Variants in DPYS observed in about 807,000 individuals in gnomAD.
The protein encoded by DPYS is dihydropyrimidinase, also known as dihydropyrimidine amidohydrolase.
Under a neutral mutation model 50.3 loss-of-function variants are expected in DPYS, and 39 were observed. The ratio of observed to expected loss-of-function variants is 0.78; its 90% CI spans 0.60 to 1.01. The LOEUF (loss-of-function observed/expected upper bound fraction) is 1.01, where lower values mean the gene tolerates loss of function less well. Among genes scored for constraint, DPYS ranks in the 50% least tolerant of loss-of-function variants. The pLI, the probability that DPYS is intolerant of heterozygous loss-of-function variation, is 0.00. For synonymous variants in DPYS, 245 were observed against 250.7 expected, an observed-to-expected ratio of 0.98 and a Z score of 0.22; for missense variants, 659 against 680.9, an observed-to-expected ratio of 0.97 and a Z score of 0.36.
chr8:104,454,497 G>T (rs1409033626), intron 1 of DPYS, among the ~76,000 whole-genome samples: 3 of 152,314 alleles, frequency 2.0e-5, no homozygotes, highest in Admixed American at 2.0e-4. Flanking sequence ...TGGCCGAATT[G>T]TATTGTAGGT....
At chr8:104,445,244 C>T (rs1234429756) in intron 3 of DPYS, among the ~76,000 whole-genome samples, 8 of 152,286 alleles carry the variant, frequency 5.3e-5, no homozygotes, top group African/African-American at 1.7e-4. Flanking sequence ...ACCATATGAT[C>T]CAGCAACCCC....
chr8:104,430,030 T>G lies in DPYS; in HGVS notation c.794-329A>C, dbSNP rs573297254. On this transcript the variant is annotated intron_variant, in intron 4 of 9. Coordinates refer to ENST00000351513, the MANE Select transcript of DPYS (RefSeq NM_001385.3). ...CTACCAGATAAATGCTATTGTTATC[T>G]CCATAAAAAGATGAAAATAAAGCTA... Among the ~76,000 whole-genome samples the G allele has an allele frequency of 2.0e-4, 30 of 152,304 alleles. No homozygotes were observed. In the East Asian group the frequency reaches 5.8e-3, roughly 29 times the overall value.
Position 104,390,174 on chromosome 8 carries a change from C to A in DPYS, c.1443+2610G>T, listed in dbSNP as rs556445529. Among the ~76,000 whole-genome samples, 65 of 152,324 alleles carry A rather than the reference C, an allele frequency of 4.3e-4. 1 individual carries two copies. The South Asian group carries it at 0.013, about 32-fold the overall frequency. On this transcript the variant is annotated intron_variant, in intron 8 of 9. Transcript: ENST00000351513. ...GCGTCACATAATCTATCATCCAGTT[C>A]TATTGATTTTACTACTTTATAATAT...
intron 7 of DPYS, among the ~76,000 whole-genome samples, chr8:104,393,283 TTATTTA>T (rs1360687129): frequency 2.6e-5 from 4 of 152,316 alleles, no homozygotes; most frequent in African/African-American, 9.6e-5. Context: ...AAAATTATTT[TTATTTA>T]TATGTTAACA....
chr8:104,462,666 A>G (rs1814211830), intron 1 of DPYS, among the ~76,000 whole-genome samples: 2 of 152,214 alleles, frequency 1.3e-5, no homozygotes, highest in African/African-American at 4.8e-5. Context: ...ACCTCTGAAT[A>G]CAAATTTATG....
chr8:104,439,567 G>T (rs1231722236), intron 4 of DPYS, among the ~76,000 whole-genome samples: 2 of 152,180 alleles, frequency 1.3e-5, no homozygotes, highest in Non-Finnish European at 2.9e-5. Context: ...AAGATCGCCT[G>T]AGGCCAGGAG....
At chr8:104,423,747 T>C (rs1008241058) in intron 7 of DPYS, among the ~76,000 whole-genome samples, 1 of 152,118 alleles carries the variant, frequency 6.6e-6, no homozygotes, top group African/African-American at 2.4e-5. Flanking sequence ...CATAGAATTA[T>C]GGAAATTGGA....
intron 7 of DPYS, among the ~76,000 whole-genome samples, chr8:104,400,133 G>T (rs2140540563): frequency 6.6e-6 from 1 of 152,210 alleles, no homozygotes; most frequent in East Asian, 1.9e-4. Context: ...AGCAGGGACT[G>T]TGCCTTCCAT....
At position 104,428,095 on chromosome 8, in the gene DPYS, T is replaced by C. The variant is rs1165231799; in HGVS notation, c.977A>G (p.Asp326Gly). ...ANDDLTTTGT[D>G]NCTFNTCQKA... The stretch of plus-strand genomic sequence containing the variant: ...CTGGCAGGTGTTGAAAGTGCAGTTA[T>C]CAGTCCCTGTTGTGGTTAGATCATC... The change falls in exon 6 of 10, where the codon GAT (aspartate) becomes GGT (glycine). Residue 326 changes from aspartate to glycine, a missense_variant. By Grantham distance (94) the Asp-to-Gly change is moderately conservative. Coordinates refer to ENST00000351513, the MANE Select transcript of DPYS (RefSeq NM_001385.3). 6.2e-7 allele frequency: 1 copy of C among 1,614,246 alleles called. No individual in the cohort carries two copies. The highest frequency in any genetic ancestry group is 1.3e-5 in the African/African-American group (1 of 75,082).
At position 104,428,808 on chromosome 8, in the gene DPYS, A is replaced by G. The variant is rs923657023; in HGVS notation, c.951-687T>C. On this transcript the variant is annotated intron_variant, in intron 5 of 9. Coordinates refer to ENST00000351513, the MANE Select transcript of DPYS (RefSeq NM_001385.3). ...GTGAATGGGGAGTGTCGGGATGTCC[A>G]TGAAGGATAGAATTTTCTTTTCTCT... 2.7e-5 allele frequency among the ~76,000 whole-genome samples: 4 copies of G among 149,840 alleles called. No individual in the cohort carries two copies. In the East Asian group the frequency reaches 7.8e-4, roughly 29 times the overall value.
intron 1 of DPYS, among the ~76,000 whole-genome samples, chr8:104,453,679 A>C (rs1813831769): frequency 6.6e-6 from 1 of 152,224 alleles, no homozygotes; most frequent in African/African-American, 2.4e-5. Context: ...AGACCAAGCA[A>C]TTCCACTCCT....
intron 7 of DPYS, among the ~76,000 whole-genome samples, chr8:104,399,049 G>A (rs1209659124): frequency 6.6e-6 from 1 of 152,120 alleles, no homozygotes; most frequent in Non-Finnish European, 1.5e-5. Flanking sequence ...CCAGCACTTT[G>A]GGAAGCTGAG....
chr8:104,428,488 G>A (rs1176581627), intron 5 of DPYS, among the ~76,000 whole-genome samples: 2 of 152,222 alleles, frequency 1.3e-5, no homozygotes, highest in African/African-American at 4.8e-5. Flanking sequence ...GCAAATATGT[G>A]AGAGAAAACT....
intron 8 of DPYS, among the ~76,000 whole-genome samples, chr8:104,389,880 A>T (rs978904497): frequency 6.6e-6 from 1 of 152,240 alleles, no homozygotes; most frequent in Non-Finnish European, 1.5e-5. Flanking sequence ...CTAAGAAACT[A>T]AAATAATTCA....
intron 7 of DPYS, among the ~76,000 whole-genome samples, chr8:104,409,358 G>T (rs1013669403): frequency 6.6e-6 from 1 of 151,886 alleles, no homozygotes; most frequent in Non-Finnish European, 1.5e-5. Flanking sequence ...GGTGGTGCAC[G>T]CCTGTAATTC....
At chr8:104,449,269 T>C (rs768862497) in intron 2 of DPYS, among the ~76,000 whole-genome samples, 1 of 152,210 alleles carries the variant, frequency 6.6e-6, no homozygotes, top group Non-Finnish European at 1.5e-5. Context: ...ATTCACATAA[T>C]GGGCTTCCAA....
chr8:104,382,330 G>A (rs1811080210), intron 8 of DPYS, among the ~76,000 whole-genome samples: 1 of 152,060 alleles, frequency 6.6e-6, no homozygotes, highest in South Asian at 2.1e-4. Context: ...CTCACTTTCT[G>A]TATCTGTCTA....
At chr8:104,381,545 C>T (rs1483642392) in intron 8 of DPYS, 2 of 480,736 alleles carry the variant, frequency 4.2e-6, no homozygotes, top group Non-Finnish European at 7.6e-6. Flanking sequence ...GGGACACTCA[C>T]TGGGGCCTCT....
chr8:104,381,742 T>A (rs1015400107), intron 8 of DPYS, among the ~76,000 whole-genome samples: 1 of 152,212 alleles, frequency 6.6e-6, no homozygotes, highest in Non-Finnish European at 1.5e-5. Flanking sequence ...TTCCTGTCTC[T>A]GTGCATTATG....
Sources: gnomAD v4.1 joint callset for allele counts (sites outside exome capture counted in the v4.1 genomes callset) on GRCh38, gnomAD v4.1.1 for gene constraint, MANE v1.5 for transcripts, NCBI Gene and HGNC (gene_info 2026-07-23, HGNC 2026-07-21) for gene names.